Variants in NLRP5 observed in about 807,000 individuals in gnomAD.
The protein encoded by NLRP5 is NACHT, LRR and PYD domains-containing protein 5.
In NLRP5, 93 loss-of-function variants were observed where a neutral mutation model predicts 113.1. The ratio of observed to expected loss-of-function variants is 0.82; its 90% CI spans 0.70 to 0.98. The LOEUF is 0.98. NLRP5 is among the 50% of genes least tolerant of loss of function. The pLI is 0.00. For missense variants in NLRP5, 1,808 were observed against 1,514.3 expected (o/e 1.19, Z -3.22); for synonymous variants, 751 against 600.7 (o/e 1.25, Z -3.66).
intron 2 of NLRP5, among the ~76,000 whole-genome samples, chr19:56,005,338 CAT>C (rs1981841168): frequency 7.3e-6 from 1 of 136,676 alleles, no homozygotes; most frequent in Non-Finnish European, 1.5e-5. Context: ...TATATATACA[CAT>C]ACACATACAC....
chr19:56,003,013 GT>G (rs1157274773), intron 1 of NLRP5, among the ~76,000 whole-genome samples: 1 of 150,090 alleles, frequency 6.7e-6, no homozygotes, highest in Non-Finnish European at 1.5e-5. Context: ...TGGTGGGACC[GT>G]AAACTAGTTC....
chr19:56,000,589 C>G (rs1461708892), intron 1 of NLRP5, among the ~76,000 whole-genome samples: 1 of 151,796 alleles, frequency 6.6e-6, no homozygotes, highest in Non-Finnish European at 1.5e-5. Flanking sequence ...TGGTCTCGAT[C>G]TCCTGACCTC....
chr19:56,037,358 G>C (rs1240530300), intron 9 of NLRP5, among the ~76,000 whole-genome samples: 1 of 152,070 alleles, frequency 6.6e-6, no homozygotes, highest in African/African-American at 2.4e-5. Context: ...GACATTCTAG[G>C]AAGGAAGACA....
At chr19:56,054,763 G>T (rs534060679) in intron 13 of NLRP5, among the ~76,000 whole-genome samples, 2 of 152,058 alleles carry the variant, frequency 1.3e-5, no homozygotes, top group African/African-American at 2.4e-5. Context: ...GTAGAAGGGG[G>T]GCAGCTGAAT....
chr19:56,051,999 A>G (rs1654394), intron 12 of NLRP5, among the ~76,000 whole-genome samples: 24,564 of 152,162 alleles, frequency 0.16, 2,245 homozygotes, highest in Middle Eastern at 0.22. Flanking sequence ...CTACTTCTGC[A>G]TGGTGTAGAA....
rs200093654 is a variant in NLRP5, at chr19:56,028,200, C to T, written c.1967C>T (p.Pro656Leu). The change falls in exon 7 of 15, where the codon CCC (proline) becomes CTC (leucine). Residue 656 changes from proline (P) to leucine (L), a missense_variant. Physicochemically the swap from Pro to Leu is moderately conservative, Grantham distance 98 (BLOSUM62 -3). Coordinates refer to ENST00000390649, the MANE Select transcript of NLRP5 (RefSeq NM_153447.4). ...CCACTGGAGGTCCTGCTGGGCTGTCCCGTTCCCCTGGGGGTGAAGCAGAAG... is the reference window on the plus strand; with the variant it reads ...CCACTGGAGGTCCTGCTGGGCTGTCTCGTTCCCCTGGGGGTGAAGCAGAAG... 3 of 1,613,920 alleles carry T rather than the reference C, an allele frequency of 1.9e-6. No homozygotes were observed. Among genetic ancestry groups the T allele is most frequent in the Non-Finnish European group, 8.5e-7 (1 of 1,179,898 alleles).
At chr19:56,006,192 G>A (rs771110916) in intron 2 of NLRP5, among the ~76,000 whole-genome samples, 8 of 152,020 alleles carry the variant, frequency 5.3e-5, no homozygotes, top group Non-Finnish European at 8.8e-5. Flanking sequence ...ACCAAACACC[G>A]CATGTTGTCA....
rs530005723 is a variant in NLRP5, at chr19:56,039,974, G to C, written c.2787-948G>C. On this transcript the variant is annotated intron_variant, in intron 10 of 14. Coordinates refer to ENST00000390649, the MANE Select transcript of NLRP5 (RefSeq NM_153447.4). ...GTCATGATGTGTTAGATGTAGTTTT[G>C]GGGGGTGGTCTTGCTCACTGTTCTG... 8.7e-4 allele frequency among the ~76,000 whole-genome samples: 133 copies of C among 152,194 alleles called. 1 individual carries two copies. The highest frequency in any genetic ancestry group is 2.9e-3 in the African/African-American group (121 of 41,540).
chr19:55,998,696 A>ACGTG (rs1485958449), upstream of NLRP5, among the ~76,000 whole-genome samples: 1 of 60,644 alleles, frequency 1.6e-5, no homozygotes, highest in Non-Finnish European at 3.3e-5. Flanking sequence ...ATATATATAT[A>ACGTG]TATATATGTG....
At chr19:56,011,113 A>T (rs1007074721) in intron 3 of NLRP5, among the ~76,000 whole-genome samples, 1 of 152,070 alleles carries the variant, frequency 6.6e-6, no homozygotes, top group Non-Finnish European at 1.5e-5. Flanking sequence ...TGATTGTGTC[A>T]CTGCACTTCA....
At chr19:56,013,689 C>A (rs937911226) in intron 3 of NLRP5, among the ~76,000 whole-genome samples, 1 of 135,652 alleles carries the variant, frequency 7.4e-6, no homozygotes, top group African/African-American at 2.8e-5. Context: ...TTCAGGGAGG[C>A]CTATACCTAG....
chr19:55,987,426 A>G, the NLRP5 span, among the ~76,000 whole-genome samples: 1 of 152,224 alleles, frequency 6.6e-6, no homozygotes, highest in East Asian at 1.9e-4. Flanking sequence ...AGGATTAGCT[A>G]ATGTCTGGTC....
At chr19:56,021,673 T>C (rs62120425) in intron 6 of NLRP5, among the ~76,000 whole-genome samples, 11,473 of 152,272 alleles carry the variant, frequency 0.075, 530 homozygotes, top group African/African-American at 0.11. Flanking sequence ...TGCTGAATAA[T>C]ATTCCATTGT....
intron 2 of NLRP5, among the ~76,000 whole-genome samples, chr19:56,005,104 A>AT (rs1568481366): frequency 9.7e-5 from 12 of 123,670 alleles, no homozygotes; most frequent in South Asian, 5.6e-4. Context: ...AAAAAAAAAA[A>AT]AAAATATATA....
the NLRP5 span, among the ~76,000 whole-genome samples, chr19:55,990,428 T>C: frequency 3.3e-5 from 5 of 152,090 alleles, no homozygotes; most frequent in Non-Finnish European, 5.9e-5. Flanking sequence ...CAGTGGCTCA[T>C]GCCTATAATC....
At chr19:56,006,771 G>A (rs1314097818) in intron 2 of NLRP5, among the ~76,000 whole-genome samples, 2 of 151,300 alleles carry the variant, frequency 1.3e-5, no homozygotes, top group Admixed American at 6.6e-5. Context: ...ACGGAGTCTG[G>A]CTCTGTCGCC....
At chr19:56,055,766 C>G (rs571849317) in intron 13 of NLRP5, among the ~76,000 whole-genome samples, 2 of 151,482 alleles carry the variant, frequency 1.3e-5, no homozygotes, top group South Asian at 2.1e-4. Flanking sequence ...AGGATGGTCT[C>G]AATCTCCTGA....
chr19:56,020,272 T>C (rs1473134651), intron 5 of NLRP5, 103 bp from the exon 6 acceptor site: 2 of 1,377,446 alleles, frequency 1.5e-6, no homozygotes, highest in African/African-American at 2.9e-5. Flanking sequence ...TGTTTTCAAC[T>C]GGCCAGAAAA....
intron 13 of NLRP5, among the ~76,000 whole-genome samples, chr19:56,056,604 C>G (rs553219595): frequency 6.6e-6 from 1 of 152,134 alleles, no homozygotes; most frequent in South Asian, 2.1e-4. Flanking sequence ...CCATGTTAAT[C>G]AGAGGTTAGT....
Sources: allele counts gnomAD v4.1 joint callset (sites outside exome capture counted in the v4.1 genomes callset), GRCh38; gene constraint gnomAD v4.1.1; transcripts MANE v1.5; gene names NCBI Gene and HGNC (gene_info 2026-07-23, HGNC 2026-07-21).